The following MMP26 variants were observed in gnomAD, a reference collection of about 807,000 sequenced individuals.
The protein encoded by MMP26 is matrix metallopeptidase 26, also known as matrix metalloproteinase-26.
MMP26 carries 33 observed loss-of-function variants against 31.0 expected under a neutral mutation model. The ratio of observed to expected loss-of-function variants is 1.06; its 90% CI spans 0.81 to 1.42. The LOEUF is 1.42. Ranked by LOEUF, MMP26 falls within the 40% of genes most tolerant of loss-of-function variation. The pLI is 0.00. For synonymous variants in MMP26, 122 were observed against 114.9 expected (o/e 1.06, Z -0.40); for missense variants, 347 against 316.1 (o/e 1.10, Z -0.74).
intron 2 of MMP26, chr11:4,943,866 C>G (rs760365502): frequency 4.5e-6 from 2 of 449,202 alleles, no homozygotes; most frequent in Non-Finnish European, 8.9e-6. Flanking sequence ...CTGTCAAAAA[C>G]CCCTAAAATA....
At chr11:4,954,501 G>A (rs4579920) in intron 2 of MMP26, among the ~76,000 whole-genome samples, 77,474 of 122,290 alleles carry the variant, frequency 0.63, 31,873 homozygotes, top group South Asian at 0.79. Context: ...AAAAATTATC[G>A]TTTTTCTGTC....
chr11:4,826,491 G>A (rs1338594946), intron 2 of MMP26, among the ~76,000 whole-genome samples: 2 of 152,054 alleles, frequency 1.3e-5, no homozygotes, highest in Non-Finnish European at 2.9e-5. Flanking sequence ...TGTTTCAGTG[G>A]AGAGCTGGAG....
intron 2 of MMP26, among the ~76,000 whole-genome samples, chr11:4,969,847 C>T (rs1846641827): frequency 6.6e-6 from 1 of 152,076 alleles, no homozygotes. Context: ...TTAAACTAGG[C>T]TCACTTGCCA....
chr11:4,938,913 G>T (rs996290571), intron 2 of MMP26, among the ~76,000 whole-genome samples: 7 of 152,112 alleles, frequency 4.6e-5, no homozygotes, highest in Non-Finnish European at 1.0e-4. Flanking sequence ...TCTAAATCAC[G>T]CTGAATGAGT....
chr11:4,840,280 G>T (rs1415968608), intron 2 of MMP26, among the ~76,000 whole-genome samples: 2 of 152,224 alleles, frequency 1.3e-5, no homozygotes, highest in Non-Finnish European at 2.9e-5. Flanking sequence ...ACACAGGCCT[G>T]GCTGGCTTTG....
chr11:4,854,809 C>A (rs971067153), intron 2 of MMP26, among the ~76,000 whole-genome samples: 1 of 152,194 alleles, frequency 6.6e-6, no homozygotes, highest in African/African-American at 2.4e-5. Context: ...GGGAGACATC[C>A]CCCAGTAGGG....
At chr11:4,834,666 C>A (rs1010672585) in intron 2 of MMP26, among the ~76,000 whole-genome samples, 11 of 152,312 alleles carry the variant, frequency 7.2e-5, no homozygotes, top group East Asian at 5.8e-4. Flanking sequence ...GGGACTCGGT[C>A]AGGAACAGGT....
At chr11:4,783,318 G>T (rs1266178782) in intron 2 of MMP26, among the ~76,000 whole-genome samples, 2 of 152,200 alleles carry the variant, frequency 1.3e-5, no homozygotes, top group African/African-American at 4.8e-5. Context: ...AGATAATTTT[G>T]GAGATTTAAG....
At chr11:4,762,919 G>T (rs149020891) in intron 1 of MMP26, among the ~76,000 whole-genome samples, 2,431 of 152,260 alleles carry the variant, frequency 0.016, 42 homozygotes, top group South Asian at 0.084. Flanking sequence ...CAGCAAAATA[G>T]AGTGGTGGTA....
chr11:4,754,159 G>A (rs560264276), intron 1 of MMP26, among the ~76,000 whole-genome samples: 1 of 148,684 alleles, frequency 6.7e-6, no homozygotes, highest in East Asian at 2.0e-4. Context: ...AATTGCCAAA[G>A]TTCATAAAAA....
chr11:4,926,700 T>TC (rs1851278162), intron 2 of MMP26, among the ~76,000 whole-genome samples: 1 of 152,180 alleles, frequency 6.6e-6, no homozygotes, highest in Non-Finnish European at 1.5e-5. Flanking sequence ...TTTCTCACTT[T>TC]CAAAATATAG....
intron 2 of MMP26, among the ~76,000 whole-genome samples, chr11:4,796,168 C>A (rs1849106446): frequency 6.6e-6 from 1 of 152,188 alleles, no homozygotes; most frequent in Non-Finnish European, 1.5e-5. Flanking sequence ...CATCGCTTGT[C>A]TCAGAAGCAA....
intron 2 of MMP26, chr11:4,881,816 A>G (rs1850466809): frequency 1.7e-6 from 2 of 1,207,616 alleles, no homozygotes; most frequent in African/African-American, 1.5e-5. Context: ...AATTGTATAT[A>G]AAATGACTAA....
intron 2 of MMP26, among the ~76,000 whole-genome samples, chr11:4,825,801 C>T (rs764662563): frequency 6.6e-6 from 1 of 151,870 alleles, no homozygotes; most frequent in Non-Finnish European, 1.5e-5. Context: ...CTTCCAGGGA[C>T]CATGAATGAG....
chr11:4,978,060 A>T (rs1846762430), intron 2 of MMP26, among the ~76,000 whole-genome samples: 1 of 151,946 alleles, frequency 6.6e-6, no homozygotes, highest in South Asian at 2.1e-4. Context: ...TGGTTTTATA[A>T]GGAGCTCTTC....
At chr11:4,770,661 GGT>G (rs1319882492) in intron 2 of MMP26, among the ~76,000 whole-genome samples, 1 of 152,098 alleles carries the variant, frequency 6.6e-6, no homozygotes, top group Non-Finnish European at 1.5e-5. Context: ...TGGCCAACAT[GGT>G]GAAACCCCGT....
At position 4,939,889 on chromosome 11, in the gene MMP26, C is replaced by T. The variant is rs183692563; in HGVS notation, c.-144-48179C>T. On this transcript the variant is annotated intron_variant, in intron 2 of 7. Coordinates refer to ENST00000380390, the MANE Select transcript of MMP26 (RefSeq NM_021801.5). ...ACACATCCTCTGAAACTTCTTAAGC[C>T]GTATACCTTGCTTTCTTTACTGTAC... 2.9e-3 allele frequency among the ~76,000 whole-genome samples: 437 copies of T among 152,092 alleles called. 3 individuals carry two copies. The highest frequency in any genetic ancestry group is 5.0e-3 in the Non-Finnish European group (338 of 67,976).
In MMP26 at chr11:4,899,565, G is replaced by A. The variant is rs533356996; in HGVS notation, c.-144-88503G>A. Among the ~76,000 whole-genome samples the A allele has an allele frequency of 5.6e-4, 85 of 152,246 alleles. No homozygotes were observed. The Middle Eastern group carries it at 0.014, about 24-fold the overall frequency. On this transcript the variant is annotated intron_variant, in intron 2 of 7. Transcript: ENST00000380390. ...TTTTCAGGCTAAGGCTATTTCACTT[G>A]CTAATTTATCATCAAAATTTGCCAG... is the stretch of plus-strand genomic sequence containing the variant.
chr11:4,797,336 C>T lies in MMP26; in HGVS notation c.-145+29995C>T, dbSNP rs993756688. ...GCTTCATAAAGTTCTGTTGGTAACT[C>T]GAGCCACATCCCAGTTGGCCCACAG... On this transcript the variant is annotated intron_variant, in intron 2 of 7. Transcript: ENST00000380390. Among the ~76,000 whole-genome samples the T allele has an allele frequency of 5.3e-5, 8 of 152,286 alleles. No individual in the cohort carries two copies. The East Asian group carries it at 9.6e-4, about 18-fold the overall frequency.
Sources: gnomAD v4.1 joint callset for allele counts (sites outside exome capture counted in the v4.1 genomes callset) on GRCh38, gnomAD v4.1.1 for gene constraint, MANE v1.5 for transcripts, NCBI Gene and HGNC (gene_info 2026-07-23, HGNC 2026-07-21) for gene names.